Variants in PPARGC1A observed in about 807,000 individuals in gnomAD.
PPARGC1A encodes peroxisome proliferator-activated receptor gamma coactivator 1-alpha.
In PPARGC1A, 25 loss-of-function variants were observed where a neutral mutation model predicts 88.7. The ratio of observed to expected loss-of-function variants is 0.28; its 90% CI spans 0.21 to 0.39. The LOEUF is 0.39. Ranked by LOEUF, PPARGC1A falls within the 10% of genes least tolerant of loss-of-function variation. The probability of loss-of-function intolerance (pLI) is 1.00; values close to 1 mark genes in which losing one functional copy is unlikely to be tolerated. For missense variants in PPARGC1A, 880 were observed against 968.7 expected (o/e 0.91, Z 1.22); for synonymous variants, 363 against 355.6 (o/e 1.02, Z -0.24).
At chr4:24,427,947 TA>T in the PPARGC1A span, among the ~76,000 whole-genome samples, 1 of 151,548 alleles carries the variant, frequency 6.6e-6, no homozygotes, top group Non-Finnish European at 1.5e-5. Context: ...CTCTTTTCTA[TA>T]AAAAAAAATT....
chr4:24,094,223 G>A, the PPARGC1A span, among the ~76,000 whole-genome samples: 2 of 152,210 alleles, frequency 1.3e-5, no homozygotes, highest in Non-Finnish European at 1.5e-5. Flanking sequence ...CAGGCATTAT[G>A]TGAACAAGAA....
chr4:24,103,701 T>C, the PPARGC1A span, among the ~76,000 whole-genome samples: 2 of 151,712 alleles, frequency 1.3e-5, no homozygotes, highest in Non-Finnish European at 2.9e-5. Flanking sequence ...TTCTGGAGGC[T>C]GTTGGTAGGG....
chr4:23,958,643 G>C, the PPARGC1A span, among the ~76,000 whole-genome samples: 1 of 152,052 alleles, frequency 6.6e-6, no homozygotes, highest in Non-Finnish European at 1.5e-5. Context: ...ATGTTTGTGA[G>C]CATAACTCAT....
chr4:24,422,290 T>C, the PPARGC1A span, among the ~76,000 whole-genome samples: 1 of 152,236 alleles, frequency 6.6e-6, no homozygotes, highest in South Asian at 2.1e-4. Flanking sequence ...AAAAGTTTGC[T>C]GATCTTTGAC....
chr4:24,290,407 CA>C, the PPARGC1A span, among the ~76,000 whole-genome samples: 3 of 152,124 alleles, frequency 2.0e-5, no homozygotes, highest in African/African-American at 7.2e-5. Flanking sequence ...GAATATCCTG[CA>C]AAGCTCAGTC....
At chr4:24,215,746 G>A in the PPARGC1A span, among the ~76,000 whole-genome samples, 1 of 152,148 alleles carries the variant, frequency 6.6e-6, no homozygotes, top group South Asian at 2.1e-4. Flanking sequence ...GGCCAAGAAA[G>A]CTGTAGTGGG....
At chr4:24,356,133 G>T in the PPARGC1A span, among the ~76,000 whole-genome samples, 1 of 151,496 alleles carries the variant, frequency 6.6e-6, no homozygotes, top group African/African-American at 2.4e-5. Context: ...GGAAGCAGAG[G>T]TTGCAGTGAG....
chr4:24,360,992 G>A, the PPARGC1A span, among the ~76,000 whole-genome samples: 1 of 152,190 alleles, frequency 6.6e-6, no homozygotes, highest in African/African-American at 2.4e-5. Flanking sequence ...GATGCCCCTT[G>A]AACTAGCTCC....
the PPARGC1A span, among the ~76,000 whole-genome samples, chr4:24,010,125 T>A: frequency 6.6e-6 from 1 of 152,210 alleles, no homozygotes; most frequent in Non-Finnish European, 1.5e-5. Flanking sequence ...AATATTGGCC[T>A]CTCCTATTAT....
chr4:24,018,460 G>A, the PPARGC1A span, among the ~76,000 whole-genome samples: 1 of 152,126 alleles, frequency 6.6e-6, no homozygotes, highest in Non-Finnish European at 1.5e-5. Flanking sequence ...TCAGAGGGTA[G>A]ATGGGTGAGG....
the PPARGC1A span, among the ~76,000 whole-genome samples, chr4:24,336,408 C>G: frequency 9.5e-3 from 1,450 of 152,194 alleles, 15 homozygotes; most frequent in African/African-American, 0.022. Context: ...GGATTTTTTT[C>G]ACGGCTTTTT....
intron 2 of PPARGC1A, among the ~76,000 whole-genome samples, chr4:23,848,745 G>C (rs1294813445): frequency 2.6e-5 from 4 of 152,072 alleles, no homozygotes; most frequent in Non-Finnish European, 5.9e-5. Context: ...TTCCAAAGTA[G>C]TAGACTCAAA....
intron 2 of PPARGC1A, among the ~76,000 whole-genome samples, chr4:23,879,700 A>G (rs1316558077): frequency 6.6e-6 from 1 of 151,942 alleles, no homozygotes; most frequent in Non-Finnish European, 1.5e-5. Flanking sequence ...CTGCTGTCTG[A>G]TTTTCCGTAT....
chr4:24,084,598 G>A, the PPARGC1A span, among the ~76,000 whole-genome samples: 3 of 152,206 alleles, frequency 2.0e-5, no homozygotes, highest in Non-Finnish European at 4.4e-5. Context: ...TAGGTTATCT[G>A]TCTTCAGCCT....
the PPARGC1A span, among the ~76,000 whole-genome samples, chr4:24,126,269 A>C: frequency 2.5e-5 from 2 of 79,902 alleles, no homozygotes; most frequent in African/African-American, 8.0e-5. Flanking sequence ...GCTTCTCACC[A>C]CACACACACA....
the PPARGC1A span, among the ~76,000 whole-genome samples, chr4:24,316,028 C>A: frequency 1.3e-5 from 2 of 152,326 alleles, no homozygotes; most frequent in Non-Finnish European, 2.9e-5. Context: ...AAGAGGGCAG[C>A]TTCTGGACCC....
At chr4:24,468,999 C>T in the PPARGC1A span, among the ~76,000 whole-genome samples, 57 of 151,994 alleles carry the variant, frequency 3.8e-4, no homozygotes, top group South Asian at 8.5e-3. Context: ...GTACAGTCAA[C>T]GCTTACCTTC....
chr4:23,795,710 G>T lies in PPARGC1A; in HGVS notation c.*112C>A. ...TTGTTTTGTTTTGTTTTTGTACAGAGAGTGTAAAGTAGGAGAAATTCCTAA... is the reference window on the plus strand; with the variant it reads ...TTGTTTTGTTTTGTTTTTGTACAGATAGTGTAAAGTAGGAGAAATTCCTAA... On this transcript the variant is annotated 3_prime_UTR_variant, in exon 13 of 13. Transcript: ENST00000264867. 1.4e-6 allele frequency: 1 copy of T among 718,458 alleles called. No homozygotes were observed. The highest frequency in any genetic ancestry group is 2.3e-6 in the Non-Finnish European group (1 of 438,804). 44.5% of individuals were successfully genotyped at this position (718,458 alleles called of 1,614,324 possible).
the PPARGC1A span, among the ~76,000 whole-genome samples, chr4:24,253,660 A>C: frequency 6.6e-6 from 1 of 152,236 alleles, no homozygotes; most frequent in Non-Finnish European, 1.5e-5. Context: ...CTAGGACACA[A>C]AATTTAAGGA....
Sources: allele counts gnomAD v4.1 joint callset (sites outside exome capture counted in the v4.1 genomes callset), GRCh38; gene constraint gnomAD v4.1.1; transcripts MANE v1.5; gene names NCBI Gene and HGNC (gene_info 2026-07-23, HGNC 2026-07-21).